KIRREL3: variants seen among roughly 807,000 people sequenced by gnomAD.
KIRREL3 encodes the protein kirre like nephrin family adhesion molecule 3.
In KIRREL3, 36 loss-of-function variants were observed where a neutral mutation model predicts 89.7. The observed-to-expected ratio is 0.40, with a 90% CI of 0.31 to 0.53. KIRREL3 has a LOEUF of 0.53. Ranked by LOEUF, KIRREL3 falls within the 20% of genes least tolerant of loss-of-function variation. KIRREL3 has a pLI of 0.49. For synonymous variants in KIRREL3, 445 were observed against 441.4 expected, an observed-to-expected ratio of 1.01 and a Z score of -0.10; for missense variants, 864 against 1,056.6, an observed-to-expected ratio of 0.82 and a Z score of 2.53.
chr11:126,497,984 C>T (rs1047303524), intron 4 of KIRREL3, among the ~76,000 whole-genome samples: 1 of 152,224 alleles, frequency 6.6e-6, no homozygotes, highest in Non-Finnish European at 1.5e-5. Context: ...TTCCTAGGCC[C>T]TGCAGATAAG....
chr11:126,962,127 C>G (rs1159104154), intron 1 of KIRREL3, among the ~76,000 whole-genome samples: 2 of 152,154 alleles, frequency 1.3e-5, no homozygotes, highest in African/African-American at 4.8e-5. Flanking sequence ...ATTCTGATTT[C>G]TATTTCAAAT....
chr11:126,525,340 A>G lies in KIRREL3; in HGVS notation c.283+1198T>C, dbSNP rs2134441379. On this transcript the variant is annotated intron_variant, in intron 3 of 16. Coordinates refer to ENST00000525144, the MANE Select transcript of KIRREL3 (RefSeq NM_032531.4). The surrounding 1 kb of genome is among the most constrained non-coding windows in gnomAD (Gnocchi z 5.4). The stretch of plus-strand genomic sequence containing the variant: ...ATCATTCCTGGAGTTTCTCTAGGGT[A>G]AAGGCGTTCGGAGTCTCTGAAATTG... 6.6e-6 allele frequency among the ~76,000 whole-genome samples: 1 copy of G among 152,332 alleles called. No homozygotes were observed. The highest frequency in any genetic ancestry group is 1.9e-4 in the East Asian group (1 of 5,178).
intron 1 of KIRREL3, among the ~76,000 whole-genome samples, chr11:126,851,321 C>T (rs747882944): frequency 9.2e-5 from 14 of 152,176 alleles, no homozygotes; most frequent in Non-Finnish European, 1.9e-4. Flanking sequence ...ATCACTTGTA[C>T]ACTACTGGTC....
rs1175077311 is a variant in KIRREL3, at chr11:126,877,696, AG to A, written c.55+122758del. On this transcript the variant is annotated intron_variant, in intron 1 of 16. Coordinates refer to ENST00000525144, the MANE Select transcript of KIRREL3 (RefSeq NM_032531.4). The surrounding 1 kb of genome is among the most constrained non-coding windows in gnomAD (Gnocchi z 4.9). ...TGCATGTGCAAGTATAATTTTGAAC[AG>A]GGAGAGAACTTAGTTGAATTGTAAC... Among the ~76,000 whole-genome samples, 1 of 152,238 alleles carries A rather than the reference AG, an allele frequency of 6.6e-6. No individual in the cohort carries two copies. The highest frequency in any genetic ancestry group is 1.9e-4 in the East Asian group (1 of 5,206).
rs112433004 is a variant in KIRREL3, at chr11:126,663,234, G to A, written c.56-100322C>T. ...GGAGTCTCGCTCTGTCACCCAGGCT[G>A]GAGTGCAGTGGCTCGATCTTCTTTC... On this transcript the variant is annotated intron_variant, in intron 1 of 16. Coordinates refer to ENST00000525144, the MANE Select transcript of KIRREL3 (RefSeq NM_032531.4). Among the ~76,000 whole-genome samples, 524 of 142,260 alleles carry A rather than the reference G, an allele frequency of 3.7e-3. 10 individuals are homozygous for A. The highest frequency in any genetic ancestry group is 0.014 in the African/African-American group (509 of 37,510). 93.3% of individuals were successfully genotyped at this position (142,260 alleles called of 152,430 possible). A position where few individuals can be genotyped will look rare whatever the true frequency, so the allele number is the denominator to read the frequency against.
rs748977768 is a variant in KIRREL3 at position 126,780,798 on chromosome 11, C to T, written c.56-217886G>A. On this transcript the variant is annotated intron_variant, in intron 1 of 16. Coordinates refer to ENST00000525144, the MANE Select transcript of KIRREL3 (RefSeq NM_032531.4). This position sits in a 1 kb window ranked among gnomAD's most constrained non-coding sequence, Gnocchi z 5.3. ...ATGAAATCAACAAACATATATGGAG[C>T]TTTAAATATGCATCAAAAACACCAC... Among the ~76,000 whole-genome samples the T allele has an allele frequency of 3.9e-5, 6 of 152,188 alleles. No individual in the cohort carries two copies. The highest frequency in any genetic ancestry group is 8.8e-5 in the Non-Finnish European group (6 of 68,038).
rs970807737 is a variant in KIRREL3 at position 126,993,834 on chromosome 11, G to A, written c.55+6621C>T. On this transcript the variant is annotated intron_variant, in intron 1 of 16. Coordinates refer to ENST00000525144, the MANE Select transcript of KIRREL3 (RefSeq NM_032531.4). The surrounding 1 kb of genome is among the most constrained non-coding windows in gnomAD (Gnocchi z 6.1). ...ATGTGGAATAGTGACAGCGATGTTT[G>A]TTTGTTATTGCTGCAACTCTTGGCC... 6.6e-6 allele frequency among the ~76,000 whole-genome samples: 1 copy of A among 152,218 alleles called. No homozygotes were observed.
chr11:126,473,235 T>A, intron 5 of KIRREL3, 74 bp downstream of exon 5: 34 of 572,252 alleles, frequency 5.9e-5, no homozygotes, highest in African/African-American at 1.6e-4. Flanking sequence ...ATCAACTCCC[T>A]GTCCACCTAG....
intron 1 of KIRREL3, among the ~76,000 whole-genome samples, chr11:126,809,771 C>A (rs1017270909): frequency 2.0e-5 from 3 of 152,148 alleles, no homozygotes; most frequent in African/African-American, 7.2e-5. Context: ...TCTCCAAGAT[C>A]TACATGGCCA....
chr11:126,824,871 G>A (rs1342136439), intron 1 of KIRREL3, among the ~76,000 whole-genome samples: 7 of 152,270 alleles, frequency 4.6e-5, no homozygotes, highest in Non-Finnish European at 7.3e-5. Context: ...TTACACTGTC[G>A]GAGGTAAAAT....
At chr11:126,706,448 T>A (rs996345556) in intron 1 of KIRREL3, among the ~76,000 whole-genome samples, 4 of 152,194 alleles carry the variant, frequency 2.6e-5, no homozygotes, top group African/African-American at 7.2e-5. Flanking sequence ...GCAATAGACA[T>A]CCTGTGTGTG....
rs1958551182 is a variant in KIRREL3, at chr11:126,520,520, T to C, written c.433+795A>G. Among the ~76,000 whole-genome samples, 1 of 152,084 alleles carries C rather than the reference T, an allele frequency of 6.6e-6. No homozygotes were observed. Among genetic ancestry groups the C allele is most frequent in the Non-Finnish European group, 1.5e-5 (1 of 68,014 alleles). ...GAGCTACGGTGAACTGCTTGGCAAA[T>C]GTGAGCTCTCATGACTTATGTGCAA... On this transcript the variant is annotated intron_variant, in intron 4 of 16. Transcript: ENST00000525144. This position sits in a 1 kb window ranked among gnomAD's most constrained non-coding sequence, Gnocchi z 4.9.
intron 1 of KIRREL3, among the ~76,000 whole-genome samples, chr11:126,591,390 G>A (rs1942125497): frequency 6.6e-6 from 1 of 152,200 alleles, no homozygotes; most frequent in Non-Finnish European, 1.5e-5. Flanking sequence ...GTGAAATCCT[G>A]TGTGTTCTGG....
rs976864608 is a variant in KIRREL3, at chr11:126,808,235, G to T, written c.55+192220C>A. Among the ~76,000 whole-genome samples the T allele has an allele frequency of 1.3e-5, 2 of 152,166 alleles. No individual in the cohort carries two copies. Among genetic ancestry groups the T allele is most frequent in the African/African-American group, 4.8e-5 (2 of 41,440 alleles). Reference sequence around the variant, plus strand: ...TCCATGGAGTAAGAGGTCCCTTCAGGGGAGTCATTAGCAAAAGAGAATACT... The same window carrying T: ...TCCATGGAGTAAGAGGTCCCTTCAGTGGAGTCATTAGCAAAAGAGAATACT... On this transcript the variant is annotated intron_variant, in intron 1 of 16. Transcript: ENST00000525144. The surrounding 1 kb of genome is among the most constrained non-coding windows in gnomAD (Gnocchi z 4.1).
rs1309292372 is a variant in KIRREL3, at chr11:126,772,677, C to A, written c.56-209765G>T. On this transcript the variant is annotated intron_variant, in intron 1 of 16. Transcript: ENST00000525144. This position sits in a 1 kb window ranked among gnomAD's most constrained non-coding sequence, Gnocchi z 4.6. ...CCTCTCCTGGTACTCATGCCCACCCCCTAACTGCCTCAGCCTTGAAAGCTC... is the reference window on the plus strand; with the variant it reads ...CCTCTCCTGGTACTCATGCCCACCCACTAACTGCCTCAGCCTTGAAAGCTC... Among the ~76,000 whole-genome samples the A allele has an allele frequency of 6.6e-6, 1 of 152,206 alleles. No individual in the cohort carries two copies. Among genetic ancestry groups the A allele is most frequent in the African/African-American group, 2.4e-5 (1 of 41,456 alleles).
chr11:126,762,909 C>A (rs576117592), intron 1 of KIRREL3, among the ~76,000 whole-genome samples: 1 of 152,096 alleles, frequency 6.6e-6, no homozygotes, highest in East Asian at 1.9e-4. Flanking sequence ...TTTGCAATAG[C>A]GTCTGCAACT....
At chr11:126,895,023 A>T (rs377413217) in intron 1 of KIRREL3, among the ~76,000 whole-genome samples, 46 of 152,278 alleles carry the variant, frequency 3.0e-4, no homozygotes, top group African/African-American at 1.1e-3. Context: ...ACTCTGCAAG[A>T]GTCACAGGAT....
intron 2 of KIRREL3, among the ~76,000 whole-genome samples, chr11:126,545,557 G>T (rs1002528566): frequency 1.3e-5 from 2 of 151,716 alleles, no homozygotes; most frequent in African/African-American, 2.4e-5. Context: ...GATTGCTTGA[G>T]CCCAGGAGTT....
In KIRREL3 at chr11:126,712,264, AGTGT is replaced by A. The variant is rs3045186; in HGVS notation, c.56-149356_56-149353del. ...GAAATGTGTGCTCCAGATAAGGGCG[AGTGT>A]GTGTGTGTGTGTGTGTGCGCGCGTG... On this transcript the variant is annotated intron_variant, in intron 1 of 16. Coordinates refer to ENST00000525144, the MANE Select transcript of KIRREL3 (RefSeq NM_032531.4). 2.0e-5 allele frequency among the ~76,000 whole-genome samples: 3 copies of A among 149,642 alleles called. No individual in the cohort carries two copies. In the East Asian group the frequency reaches 5.9e-4, roughly 29 times the overall value.
Sources: allele counts gnomAD v4.1 joint callset (sites outside exome capture counted in the v4.1 genomes callset), GRCh38; gene constraint gnomAD v4.1.1; non-coding constraint Gnocchi (gnomAD v3.1); transcripts MANE v1.5; gene names NCBI Gene and HGNC (gene_info 2026-07-23, HGNC 2026-07-21).